The following LRRC4C variants were observed in gnomAD, a reference collection of about 807,000 sequenced individuals.
The protein encoded by LRRC4C is leucine rich repeat containing 4C, also known as leucine-rich repeat-containing protein 4C.
Under a neutral mutation model 33.6 loss-of-function variants are expected in LRRC4C, and 5 were observed. The ratio of observed to expected loss-of-function variants is 0.15; its 90% CI spans 0.08 to 0.31. LRRC4C has a LOEUF of 0.31. Ranked by LOEUF, LRRC4C falls within the 10% of genes least tolerant of loss-of-function variation. LRRC4C has a pLI of 1.00. For missense variants in LRRC4C, 560 were observed against 796.7 expected (o/e 0.70, Z 3.58); for synonymous variants, 329 against 302.0 (o/e 1.09, Z -0.93).
intron 2 of LRRC4C, among the ~76,000 whole-genome samples, chr11:40,826,511 A>G (rs1952175902): frequency 6.6e-6 from 1 of 151,900 alleles, no homozygotes; most frequent in African/African-American, 2.4e-5. Flanking sequence ...ATTCCAAAAT[A>G]TTATTCATGA....
chr11:40,669,641 G>T (rs1302234046), intron 2 of LRRC4C, among the ~76,000 whole-genome samples: 1 of 152,194 alleles, frequency 6.6e-6, no homozygotes, highest in East Asian at 1.9e-4. Flanking sequence ...CCTCCGTTGT[G>T]TTTCAATCAG....
intron 3 of LRRC4C, among the ~76,000 whole-genome samples, chr11:40,506,585 A>G (rs750893885): frequency 7.2e-5 from 11 of 152,028 alleles, no homozygotes; most frequent in Non-Finnish European, 1.2e-4. Context: ...GCTCTCTTCT[A>G]TTTTCTCAAG....
chr11:40,277,676 T>C (rs1193303232), intron 4 of LRRC4C, among the ~76,000 whole-genome samples: 1 of 152,164 alleles, frequency 6.6e-6, no homozygotes, highest in Non-Finnish European at 1.5e-5. Flanking sequence ...TTGCCATTTA[T>C]TGTCTCTGTG....
At chr11:41,334,269 C>A (rs1951382351) in intron 1 of LRRC4C, among the ~76,000 whole-genome samples, 1 of 152,214 alleles carries the variant, frequency 6.6e-6, no homozygotes, top group African/African-American at 2.4e-5. Flanking sequence ...TTGAACTCGT[C>A]AGTTCAAGAA....
intron 3 of LRRC4C, among the ~76,000 whole-genome samples, chr11:40,537,109 G>A (rs565293427): frequency 6.6e-6 from 1 of 152,248 alleles, no homozygotes; most frequent in African/African-American, 2.4e-5. Context: ...TGCAAGTGAG[G>A]AAATATATGA....
intron 3 of LRRC4C, among the ~76,000 whole-genome samples, chr11:40,624,812 AC>A (rs1962779168): frequency 6.6e-6 from 1 of 152,102 alleles, no homozygotes; most frequent in Admixed American, 6.6e-5. Context: ...ATATCAGTAA[AC>A]CATAAGTCTG....
chr11:40,301,234 T>C (rs1319947887), intron 4 of LRRC4C, among the ~76,000 whole-genome samples: 2 of 152,232 alleles, frequency 1.3e-5, no homozygotes, highest in African/African-American at 4.8e-5. Context: ...CACTTCTGAA[T>C]GGCCTTCAAC....
chr11:40,202,009 G>C (rs943695609), intron 5 of LRRC4C, among the ~76,000 whole-genome samples: 1 of 152,066 alleles, frequency 6.6e-6, no homozygotes, highest in African/African-American at 2.4e-5. Flanking sequence ...GAATCACAAA[G>C]ATCTTTGTTC....
Position 40,495,813 on chromosome 11 carries a change from G to GTTTTTTTTTTTTTTTTTTTTTTTTTTTTT in LRRC4C, c.-270+152300_-270+152328dup, listed in dbSNP as rs77683172. On this transcript the variant is annotated intron_variant, in intron 3 of 6. Transcript: ENST00000528697. Reference sequence around the variant, plus strand: ...TTTTATTGAAGTTCTCAATAAACATGTTTTTTTTTTTTTTTTTTTTTTTTT... The same window carrying GTTTTTTTTTTTTTTTTTTTTTTTTTTTTT: ...TTTTATTGAAGTTCTCAATAAACATGTTTTTTTTTTTTTTTTTTTTTTTTTTTTTTTTTTTTTTTTTTTTTTTTTTTTTT... Among the ~76,000 whole-genome samples the GTTTTTTTTTTTTTTTTTTTTTTTTTTTTT allele has an allele frequency of 3.0e-5, 2 of 67,012 alleles. 1 individual carries two copies. The highest frequency in any genetic ancestry group is 1.3e-4 in the African/African-American group (2 of 15,784). 44.0% of individuals were successfully genotyped at this position (67,012 alleles called of 152,430 possible). A position where few individuals can be genotyped will look rare whatever the true frequency, so the allele number is the denominator to read the frequency against.
chr11:40,548,365 A>G (rs1162769388), intron 3 of LRRC4C, among the ~76,000 whole-genome samples: 1 of 152,100 alleles, frequency 6.6e-6, no homozygotes, highest in Non-Finnish European at 1.5e-5. Context: ...GTCCTTACAA[A>G]AAAGCAGAAA....
intron 1 of LRRC4C, among the ~76,000 whole-genome samples, chr11:41,376,681 A>G (rs1440218267): frequency 6.6e-6 from 1 of 152,212 alleles, no homozygotes; most frequent in Non-Finnish European, 1.5e-5. Flanking sequence ...TACTGAACTT[A>G]GAAATATTTA....
chr11:40,772,432 C>T (rs564189977), intron 2 of LRRC4C, among the ~76,000 whole-genome samples: 85 of 152,216 alleles, frequency 5.6e-4, no homozygotes, highest in African/African-American at 2.0e-3. Context: ...AGAGCCTGAC[C>T]ATATCACTAC....
At chr11:40,432,285 T>A (rs187892419) in intron 3 of LRRC4C, among the ~76,000 whole-genome samples, 127 of 152,272 alleles carry the variant, frequency 8.3e-4, no homozygotes, top group African/African-American at 3.0e-3. Flanking sequence ...TAAAGATGAA[T>A]CTCCATCATC....
At chr11:40,511,398 A>T (rs1955307972) in intron 3 of LRRC4C, among the ~76,000 whole-genome samples, 1 of 152,246 alleles carries the variant, frequency 6.6e-6, no homozygotes, top group Non-Finnish European at 1.5e-5. Flanking sequence ...GAGAAGGGCC[A>T]TGAGATGCAA....
intron 2 of LRRC4C, among the ~76,000 whole-genome samples, chr11:40,668,263 T>C (rs907436153): frequency 3.9e-5 from 6 of 152,160 alleles, no homozygotes; most frequent in Non-Finnish European, 8.8e-5. Flanking sequence ...ACACATAATA[T>C]TTGCTGTAGT....
chr11:40,236,397 A>G (rs759191004), intron 5 of LRRC4C, among the ~76,000 whole-genome samples: 1 of 152,190 alleles, frequency 6.6e-6, no homozygotes, highest in Non-Finnish European at 1.5e-5. Context: ...ATGGAAGCAA[A>G]TAACTTTTAA....
intron 4 of LRRC4C, among the ~76,000 whole-genome samples, chr11:40,291,066 T>C (rs902484351): frequency 1.3e-5 from 2 of 152,130 alleles, no homozygotes; most frequent in African/African-American, 4.8e-5. Flanking sequence ...AGGCCTCAGT[T>C]TCCTTTTTTT....
intron 3 of LRRC4C, among the ~76,000 whole-genome samples, chr11:40,419,710 T>C (rs552088331): frequency 2.6e-5 from 4 of 152,240 alleles, no homozygotes; most frequent in Non-Finnish European, 4.4e-5. Flanking sequence ...TTTTCACCAA[T>C]AGAGGGGAAT....
rs570645657 is a variant in LRRC4C at position 40,194,835 on chromosome 11, T to A, written c.-96+46684A>T. On this transcript the variant is annotated intron_variant, in intron 5 of 6. Transcript: ENST00000528697. ...CGGGCATGGTGGCTTACGCCTGTAA[T>A]CCCAGCACTTTGGGAGGCCGAGGTG... is the stretch of plus-strand genomic sequence containing the variant. 4.3e-4 allele frequency among the ~76,000 whole-genome samples: 65 copies of A among 152,168 alleles called. 1 individual carries two copies. The South Asian group carries it at 0.013, about 32-fold the overall frequency.
Sources: gnomAD v4.1 joint callset for allele counts (sites outside exome capture counted in the v4.1 genomes callset) on GRCh38, gnomAD v4.1.1 for gene constraint, MANE v1.5 for transcripts, NCBI Gene and HGNC (gene_info 2026-07-23, HGNC 2026-07-21) for gene names.